ZBTB20: variants seen among roughly 807,000 people sequenced by gnomAD.
The protein encoded by ZBTB20 is zinc finger and BTB domain containing 20, also known as zinc finger and BTB domain-containing protein 20.
In ZBTB20, 9 loss-of-function variants were observed where a neutral mutation model predicts 56.9. That is an observed-to-expected ratio of 0.16 (90% confidence interval 0.10 to 0.28). The LOEUF (loss-of-function observed/expected upper bound fraction) is 0.28, where lower values mean the gene tolerates loss of function less well. Ranked by LOEUF, ZBTB20 falls within the 10% of genes least tolerant of loss-of-function variation. The pLI, the probability that ZBTB20 is intolerant of heterozygous loss-of-function variation, is 1.00. For missense variants in ZBTB20, 655 were observed against 1,003.0 expected, an observed-to-expected ratio of 0.65 and a Z score of 4.69; for synonymous variants, 417 against 420.7, an observed-to-expected ratio of 0.99 and a Z score of 0.11.
intron 6 of ZBTB20, among the ~76,000 whole-genome samples, chr3:114,634,341 A>G (rs1437683821): frequency 6.6e-6 from 1 of 152,206 alleles, no homozygotes; most frequent in Non-Finnish European, 1.5e-5. Context: ...AACCTAATCA[A>G]GAAGGCTGAA....
intron 4 of ZBTB20, among the ~76,000 whole-genome samples, chr3:114,843,301 T>TA (rs1484236324): frequency 6.6e-6 from 1 of 152,180 alleles, no homozygotes; most frequent in Non-Finnish European, 1.5e-5. Context: ...GGCAGGCCCT[T>TA]AATCTATCTC....
At chr3:114,345,691 TA>T (rs971627444) in intron 11 of ZBTB20, among the ~76,000 whole-genome samples, 1 of 152,120 alleles carries the variant, frequency 6.6e-6, no homozygotes, top group Non-Finnish European at 1.5e-5. Flanking sequence ...GTTTCTGATT[TA>T]GGATGTCTGG....
chr3:114,746,560 T>G (rs1384769128), intron 5 of ZBTB20, among the ~76,000 whole-genome samples: 3 of 152,174 alleles, frequency 2.0e-5, no homozygotes, highest in African/African-American at 7.2e-5. Flanking sequence ...TTCCCTTTAT[T>G]GATTTCTTGC....
At chr3:114,593,997 T>G (rs7643078) in intron 6 of ZBTB20, among the ~76,000 whole-genome samples, 149,949 of 152,252 alleles carry the variant, frequency 0.98, 73,882 homozygotes, top group Middle Eastern at 1. Context: ...CCTTGCTGAG[T>G]TAGAATCAGG....
rs557781275 is a variant in ZBTB20, at chr3:114,941,491, A to C, written c.-456+32875T>G. On this transcript the variant is annotated intron_variant, in intron 3 of 11. Transcript: ENST00000675478. ...CACTTAGGACCGTAAATTTTCACCA[A>C]CCATAACAGACACCTGGTAAGCGGG... Among the ~76,000 whole-genome samples, 5 of 146,360 alleles carry C rather than the reference A, an allele frequency of 3.4e-5. 1 individual carries two copies. Among genetic ancestry groups the C allele is most frequent in the African/African-American group, 1.4e-4 (5 of 36,152 alleles).
intron 2 of ZBTB20, among the ~76,000 whole-genome samples, chr3:114,980,997 C>CT (rs922301106): frequency 3.3e-5 from 5 of 152,000 alleles, no homozygotes; most frequent in African/African-American, 1.2e-4. Context: ...ATAATTTTAT[C>CT]TTTCACTTAA....
chr3:114,975,725 C>T (rs894178801), intron 2 of ZBTB20, among the ~76,000 whole-genome samples: 2 of 151,952 alleles, frequency 1.3e-5, no homozygotes, highest in African/African-American at 4.8e-5. Flanking sequence ...TGATTAGGAA[C>T]AGAAAAGAAA....
intron 4 of ZBTB20, among the ~76,000 whole-genome samples, chr3:114,804,959 T>C (rs906020169): frequency 2.0e-5 from 3 of 151,928 alleles, no homozygotes; most frequent in Non-Finnish European, 4.4e-5. Context: ...ACTGGTTAGT[T>C]TGAATCAGGA....
At chr3:114,879,460 T>C (rs1423665243) in intron 4 of ZBTB20, among the ~76,000 whole-genome samples, 1 of 151,888 alleles carries the variant, frequency 6.6e-6, no homozygotes, top group Non-Finnish European at 1.5e-5. Context: ...GTCACTGGAA[T>C]GAGTAGTCAG....
intron 6 of ZBTB20, among the ~76,000 whole-genome samples, chr3:114,595,462 G>A (rs1359602562): frequency 6.6e-6 from 1 of 152,150 alleles, no homozygotes; most frequent in Non-Finnish European, 1.5e-5. Context: ...GTATATAGCA[G>A]ATCCTGAGCA....
At chr3:114,681,158 A>ATTT (rs10576152) in intron 6 of ZBTB20, among the ~76,000 whole-genome samples, 6 of 121,056 alleles carry the variant, frequency 5.0e-5, no homozygotes, top group Non-Finnish European at 9.2e-5. Flanking sequence ...TGAGCGTATA[A>ATTT]TTTTTTTTTT....
At chr3:114,587,945 T>C (rs1045505910) in intron 6 of ZBTB20, among the ~76,000 whole-genome samples, 4 of 152,208 alleles carry the variant, frequency 2.6e-5, no homozygotes, top group African/African-American at 9.6e-5. Context: ...CCTACTTTAA[T>C]GCACTGGGGA....
At chr3:114,983,236 C>G (rs2078400794) in intron 2 of ZBTB20, among the ~76,000 whole-genome samples, 1 of 151,980 alleles carries the variant, frequency 6.6e-6, no homozygotes, top group Non-Finnish European at 1.5e-5. Flanking sequence ...AATATTTTCA[C>G]ATATATATCA....
intron 1 of ZBTB20, among the ~76,000 whole-genome samples, chr3:115,095,154 T>A (rs551545935): frequency 1.3e-5 from 2 of 152,232 alleles, no homozygotes; most frequent in South Asian, 4.1e-4. Flanking sequence ...ACATTTTCTA[T>A]CAGAGTTTCA....
chr3:114,618,869 T>A (rs1225777711), intron 6 of ZBTB20, among the ~76,000 whole-genome samples: 1 of 152,236 alleles, frequency 6.6e-6, no homozygotes, highest in Non-Finnish European at 1.5e-5. Context: ...ACAATTTTGC[T>A]TCCTCTTGAC....
intron 6 of ZBTB20, among the ~76,000 whole-genome samples, chr3:114,534,058 C>T (rs2048167983): frequency 6.6e-6 from 1 of 152,120 alleles, no homozygotes. Flanking sequence ...AGACCATCGA[C>T]ACTATGAAGA....
chr3:114,411,611 A>AAGGC (rs1017960838), intron 7 of ZBTB20, among the ~76,000 whole-genome samples: 1 of 152,132 alleles, frequency 6.6e-6, no homozygotes, highest in African/African-American at 2.4e-5. Flanking sequence ...ATGCTGGTGA[A>AAGGC]AGGCAGGGGT....
chr3:114,844,273 G>C (rs1158629950), intron 4 of ZBTB20, among the ~76,000 whole-genome samples: 1 of 145,524 alleles, frequency 6.9e-6, no homozygotes, highest in Non-Finnish European at 1.5e-5. Context: ...GGAAATGTAA[G>C]CTACTGTGTA....
chr3:114,383,528 G>A (rs1338344727), intron 8 of ZBTB20: 1 of 152,168 alleles, frequency 6.6e-6, no homozygotes, highest in Admixed American at 6.5e-5. Context: ...TAGCACAGAG[G>A]CATTGGAGCT....
Sources: gnomAD v4.1 joint callset for allele counts (sites outside exome capture counted in the v4.1 genomes callset) on GRCh38, gnomAD v4.1.1 for gene constraint, MANE v1.5 for transcripts, NCBI Gene and HGNC (gene_info 2026-07-23, HGNC 2026-07-21) for gene names.